Variants in SCN2A observed in about 807,000 individuals in gnomAD.
SCN2A encodes sodium channel protein type 2 subunit alpha.
A neutral mutation model predicts 188.7 loss-of-function variants in SCN2A; 20 were observed. That is an observed-to-expected ratio of 0.11 (90% CI 0.07 to 0.15). The LOEUF is 0.15. SCN2A is among the 10% of genes least tolerant of loss of function. The pLI is 1.00. For synonymous variants in SCN2A, 804 were observed against 833.1 expected (o/e 0.97, Z 0.60); for missense variants, 1,278 against 2,445.0 (o/e 0.52, Z 10.07).
In SCN2A at chr2:165,342,310, C is replaced by T; in HGVS notation, c.2403C>T (p.Ile801=). Residue 801 remains isoleucine (I), a synonymous_variant, in exon 15 of 27, where the codon ATC becomes ATT. Coordinates refer to ENST00000375437, the MANE Select transcript of SCN2A (RefSeq NM_001040142.2). ...TTCTCATTTAGGTCTTCACAGGGAT[C>T]TTCACAGCAGAAATGTTTCTCAAGA... ...LSVGNLVFTG[I]FTAEMFLKII... 3.7e-6 allele frequency: 6 copies of T among 1,613,776 alleles called. No homozygotes were observed. The highest frequency in any genetic ancestry group is 5.1e-6 in the Non-Finnish European group (6 of 1,179,802).
At chr2:165,250,478 C>T (rs979890055) in intron 1 of SCN2A, among the ~76,000 whole-genome samples, 1 of 136,566 alleles carries the variant, frequency 7.3e-6, no homozygotes, top group Non-Finnish European at 1.6e-5. Context: ...ACGGTGCCCT[C>T]TTGCTCTATT....
intron 13 of SCN2A, among the ~76,000 whole-genome samples, chr2:165,330,293 A>C (rs1264868292): frequency 6.6e-6 from 1 of 152,228 alleles, no homozygotes; most frequent in Admixed American, 6.5e-5. Context: ...CAGCAATGAT[A>C]TTGACAGAAA....
intron 23 of SCN2A, among the ~76,000 whole-genome samples, chr2:165,378,250 C>T (rs1266631599): frequency 1.3e-5 from 2 of 148,218 alleles, no homozygotes; most frequent in African/African-American, 2.5e-5. Context: ...TTCTGGTATG[C>T]CAGAGCATGA....
chr2:165,321,760 C>T (rs1338536369), intron 11 of SCN2A, among the ~76,000 whole-genome samples: 1 of 152,110 alleles, frequency 6.6e-6, no homozygotes, highest in Non-Finnish European at 1.5e-5. Context: ...CACCATGTCC[C>T]TCCCCCAACA....
At chr2:165,363,907 T>G (rs958383246) in intron 17 of SCN2A, among the ~76,000 whole-genome samples, 3 of 152,144 alleles carry the variant, frequency 2.0e-5, no homozygotes, top group Admixed American at 2.0e-4. Flanking sequence ...ATTTTTAATC[T>G]CATGTATATC....
chr2:165,290,711 A>G, intron 1 of SCN2A: 1 of 925,766 alleles, frequency 1.1e-6, no homozygotes, highest in Non-Finnish European at 1.3e-6. Context: ...ATTGAAGTTG[A>G]CACTCATCAT....
At chr2:165,335,507 G>A (rs1468113173) in intron 14 of SCN2A, among the ~76,000 whole-genome samples, 1 of 151,680 alleles carries the variant, frequency 6.6e-6, no homozygotes, top group Non-Finnish European at 1.5e-5. Flanking sequence ...ATTAAGGAAA[G>A]AAGCCTTTTC....
Position 165,313,835 on chromosome 2 carries a change from A to G in SCN2A, c.1177-67A>G, listed in dbSNP as rs942180567. ...CAAGAGAATTGCTGTAGAATATTTT[A>G]TTACTTAGAGTGTAAGTTTGTAACA... On this transcript the variant is annotated intron_variant, in intron 9 of 26. Coordinates refer to ENST00000375437, the MANE Select transcript of SCN2A (RefSeq NM_001040142.2). The G allele has an allele frequency of 2.5e-6, 4 of 1,611,540 alleles. No individual in the cohort carries two copies. In the African/African-American group the frequency reaches 4.0e-5, roughly 16 times the overall value.
rs988336967 is a variant in SCN2A at position 165,326,833 on chromosome 2, T to C, written c.2017-19T>C. 6.2e-7 allele frequency: 1 copy of C among 1,613,704 alleles called. No homozygotes were observed. The highest frequency in any genetic ancestry group is 1.7e-5 in the Admixed American group (1 of 60,026). On this transcript the variant is annotated intron_variant, in intron 12 of 26. Coordinates refer to ENST00000375437, the MANE Select transcript of SCN2A (RefSeq NM_001040142.2). ...GCTTTCAAAAATAGTGGTTATTTCA[T>C]CTGAAATTCTACTTCTAGGGCACAA...
At chr2:165,364,336 A>G (rs1222305647) in intron 17 of SCN2A, among the ~76,000 whole-genome samples, 4 of 152,188 alleles carry the variant, frequency 2.6e-5, no homozygotes, top group South Asian at 2.1e-4. Flanking sequence ...TGCTGATCCC[A>G]AGAATGGACC....
intron 1 of SCN2A, 113 bp downstream of exon 1, chr2:165,239,753 C>CAA (rs1221533403): frequency 2.5e-6 from 1 of 392,720 alleles, no homozygotes; most frequent in African/African-American, 2.2e-5. Context: ...CTAAGAGATT[C>CAA]AAAAGCTCTA....
At chr2:165,323,066 C>A in intron 11 of SCN2A, 90 bp from the exon 12 acceptor site, 2 of 1,228,802 alleles carry the variant, frequency 1.6e-6, no homozygotes, top group Non-Finnish European at 2.3e-6. Context: ...AAGTCAATGA[C>A]TATGACACAA....
intron 26 of SCN2A, 109 bp downstream of exon 26, chr2:165,387,125 A>C: frequency 8.8e-7 from 1 of 1,135,562 alleles, no homozygotes; most frequent in East Asian, 2.4e-5. Flanking sequence ...CAAACTCCCA[A>C]ATAAAAATCT....
rs1700469451 is a variant in SCN2A, at chr2:165,361,758, A to T, written c.3400-3385A>T. ...TCACTGGAGCTATAGATCCTTGTATACAGAGTGAAAAGAGGGAAAACACTG... is the reference window on the plus strand; with the variant it reads ...TCACTGGAGCTATAGATCCTTGTATTCAGAGTGAAAAGAGGGAAAACACTG... On this transcript the variant is annotated intron_variant, in intron 17 of 26. Coordinates refer to ENST00000375437, the MANE Select transcript of SCN2A (RefSeq NM_001040142.2). Among the ~76,000 whole-genome samples, 3 of 152,016 alleles carry T rather than the reference A, an allele frequency of 2.0e-5. No individual in the cohort carries two copies. The South Asian group carries it at 6.2e-4, about 31-fold the overall frequency.
chr2:165,291,446 CTTTCTTTCTTTCTT>C (rs1431279693), intron 1 of SCN2A, among the ~76,000 whole-genome samples: 4 of 24,772 alleles, frequency 1.6e-4, no homozygotes, highest in African/African-American at 4.8e-4. Context: ...CTCTTTCTTT[CTTTCTTTCTTTCTT>C]TCTTTCTTTC....
intron 1 of SCN2A, among the ~76,000 whole-genome samples, chr2:165,265,478 T>A (rs1372728667): frequency 1.1e-5 from 1 of 87,200 alleles, no homozygotes; most frequent in African/African-American, 4.4e-5. Context: ...GATCTATATA[T>A]ATATATATAT....
At chr2:165,293,842 A>G (rs1696342246) in intron 1 of SCN2A, 3 of 984,928 alleles carry the variant, frequency 3.0e-6, no homozygotes, top group Non-Finnish European at 3.6e-6. Context: ...GCTGCTTCAG[A>G]CATATGTCTG....
rs368700987 is a variant in SCN2A, at chr2:165,251,546, GTAAGGGCATTTATT to G, written c.-52+11907_-52+11920del. ...TTAAGTTCTCTATGCCATGAGTGAG[GTAAGGGCATTTATT>G]CCCCAGATCCTTCCCTGCCAGATTA... On this transcript the variant is annotated intron_variant, in intron 1 of 26. Transcript: ENST00000375437. Among the ~76,000 whole-genome samples, 484 of 152,092 alleles carry G rather than the reference GTAAGGGCATTTATT, an allele frequency of 3.2e-3. 4 individuals carry two copies. Among genetic ancestry groups the G allele is most frequent in the African/African-American group, 0.011 (452 of 41,530 alleles).
intron 14 of SCN2A, among the ~76,000 whole-genome samples, chr2:165,339,576 A>T (rs1699198643): frequency 6.6e-6 from 1 of 152,178 alleles, no homozygotes; most frequent in African/African-American, 2.4e-5. Context: ...AAAAAACACG[A>T]AGAATATAGT....
Sources: allele counts gnomAD v4.1 joint callset (sites outside exome capture counted in the v4.1 genomes callset), GRCh38; gene constraint gnomAD v4.1.1; transcripts MANE v1.5; gene names NCBI Gene and HGNC (gene_info 2026-07-23, HGNC 2026-07-21).